Variants in ARMC9 observed in about 807,000 individuals in gnomAD.
ARMC9 encodes the protein lisH domain-containing protein ARMC9.
In ARMC9, 94 loss-of-function variants were observed where a neutral mutation model predicts 107.0. The observed-to-expected ratio is 0.88, with a 90% CI of 0.74 to 1.04. The LOEUF (loss-of-function observed/expected upper bound fraction) is 1.04. ARMC9 is among the 50% of genes least tolerant of loss of function. ARMC9 has a pLI of 0.00. For missense variants in ARMC9, 942 were observed against 1,030.1 expected, an observed-to-expected ratio of 0.91 and a Z score of 1.17; for synonymous variants, 380 against 396.9, an observed-to-expected ratio of 0.96 and a Z score of 0.51.
Position 231,337,626 on chromosome 2 carries a change from C to T in ARMC9, c.1878+5729C>T, listed in dbSNP as rs777689424. ...CTGGGACTACAGGCGCCCGCCACTACGCCCGGCTAGTTTTTGTATTTTTAG... is the reference window on the plus strand; with the variant it reads ...CTGGGACTACAGGCGCCCGCCACTATGCCCGGCTAGTTTTTGTATTTTTAG... On this transcript the variant is annotated intron_variant, in intron 20 of 24. Transcript: ENST00000611582. Among the ~76,000 whole-genome samples the T allele has an allele frequency of 1.4e-4, 21 of 150,652 alleles. 1 individual carries two copies. The highest frequency in any genetic ancestry group is 2.7e-4 in the Non-Finnish European group (18 of 67,708).
At chr2:231,277,727 G>A (rs773302653) in intron 15 of ARMC9, among the ~76,000 whole-genome samples, 7 of 151,782 alleles carry the variant, frequency 4.6e-5, no homozygotes, top group Non-Finnish European at 5.9e-5. Context: ...CACACCTGGC[G>A]AATTTTTGTA....
chr2:231,348,351 T>C (rs2044894944), intron 21 of ARMC9, among the ~76,000 whole-genome samples: 1 of 152,214 alleles, frequency 6.6e-6, no homozygotes, highest in Non-Finnish European at 1.5e-5. Flanking sequence ...AAATAAATTC[T>C]CTCCTGGAGC....
chr2:231,326,314 A>T (rs2043313254), intron 19 of ARMC9, among the ~76,000 whole-genome samples: 1 of 152,214 alleles, frequency 6.6e-6, no homozygotes, highest in Non-Finnish European at 1.5e-5. Flanking sequence ...GAAAGTTAAG[A>T]TGTAAAGTGC....
intron 20 of ARMC9, 128 bp from the exon 21 acceptor site, chr2:231,344,847 T>G: frequency 1.0e-6 from 1 of 973,576 alleles, no homozygotes; most frequent in Non-Finnish European, 1.6e-6. Flanking sequence ...TGTGACATGA[T>G]CCTTCCTCAT....
At chr2:231,216,573 T>C in intron 4 of ARMC9, 65 bp from the exon 5 acceptor site, 1 of 1,531,826 alleles carries the variant, frequency 6.5e-7, no homozygotes, top group Non-Finnish European at 8.9e-7. Flanking sequence ...AGAGAGAGGA[T>C]GGGGTGAGCA....
chr2:231,266,138 G>A (rs1456494977), intron 12 of ARMC9, among the ~76,000 whole-genome samples: 1 of 152,172 alleles, frequency 6.6e-6, no homozygotes, highest in Admixed American at 6.5e-5. Context: ...ACAGGAAATT[G>A]AATTCGTTGG....
rs2045052231 is a variant in ARMC9 at position 231,351,015 on chromosome 2, G to A, written c.1995-4783G>A. ...GCTCTGTCAGCCAGGCTGGAGTGCA[G>A]TGGCACGATCTCGGCTCACTGCAAG... is the stretch of plus-strand genomic sequence containing the variant. On this transcript the variant is annotated intron_variant, in intron 21 of 24. Coordinates refer to ENST00000611582, the MANE Select transcript of ARMC9 (RefSeq NM_001352754.2). 3.4e-5 allele frequency among the ~76,000 whole-genome samples: 4 copies of A among 117,422 alleles called. No homozygotes were observed. In the Admixed American group the frequency reaches 4.2e-4, roughly 12 times the overall value. The allele number at this position is 117,422 out of a possible 152,430, so 77.0% of individuals were successfully genotyped here.
Position 231,217,016 on chromosome 2 carries a change from A to G in ARMC9, c.504+223A>G, listed in dbSNP as rs184103152. On this transcript the variant is annotated intron_variant, in intron 5 of 24. Transcript: ENST00000611582. ...ACTAGCAGTGGTTTGCAACTTCTACATACATTAAATCTGGAAGAGTTATAG... is the reference window on the plus strand; with the variant it reads ...ACTAGCAGTGGTTTGCAACTTCTACGTACATTAAATCTGGAAGAGTTATAG... Among the ~76,000 whole-genome samples, 7 of 152,362 alleles carry G rather than the reference A, an allele frequency of 4.6e-5. No individual in the cohort carries two copies. In the East Asian group the frequency reaches 1.2e-3, roughly 25 times the overall value.
intron 21 of ARMC9, among the ~76,000 whole-genome samples, chr2:231,346,443 C>T (rs1481464460): frequency 6.6e-6 from 1 of 152,162 alleles, no homozygotes; most frequent in Admixed American, 6.5e-5. Flanking sequence ...ATGCCGTGAA[C>T]CCAGGAGGCG....
At chr2:231,269,035 A>G (rs1168810403) in intron 12 of ARMC9, among the ~76,000 whole-genome samples, 1 of 152,192 alleles carries the variant, frequency 6.6e-6, no homozygotes, top group African/African-American at 2.4e-5. Context: ...ACTGCACTTC[A>G]TCCTGGGCAA....
chr2:231,288,605 A>G, intron 17 of ARMC9: 2 of 471,198 alleles, frequency 4.2e-6, no homozygotes, highest in Non-Finnish European at 8.8e-6. Flanking sequence ...TGTAGTGTTC[A>G]GTGCGTGTTG....
intron 23 of ARMC9, among the ~76,000 whole-genome samples, chr2:231,367,511 C>T (rs768252842): frequency 1.3e-5 from 2 of 152,204 alleles, no homozygotes; most frequent in African/African-American, 2.4e-5. Flanking sequence ...CAAGACCATG[C>T]GATGGTCCTA....
intron 11 of ARMC9, among the ~76,000 whole-genome samples, chr2:231,261,210 C>T (rs1379411618): frequency 6.6e-6 from 1 of 152,202 alleles, no homozygotes; most frequent in Non-Finnish European, 1.5e-5. Context: ...GATATTTGCT[C>T]ACTCTGTTAC....
intron 16 of ARMC9, among the ~76,000 whole-genome samples, chr2:231,278,751 C>A (rs1014538302): frequency 7.9e-5 from 12 of 152,206 alleles, no homozygotes; most frequent in African/African-American, 1.9e-4. Flanking sequence ...ATTCCTCCCC[C>A]ACATGCCATT....
chr2:231,217,494 C>G (rs776785043), intron 5 of ARMC9, among the ~76,000 whole-genome samples: 1 of 151,136 alleles, frequency 6.6e-6, no homozygotes, highest in Non-Finnish European at 1.5e-5. Context: ...TGCTCAAACC[C>G]GGGAGGTGAA....
At chr2:231,271,420 A>G (rs148048527) in intron 13 of ARMC9, among the ~76,000 whole-genome samples, 5 of 152,244 alleles carry the variant, frequency 3.3e-5, no homozygotes, top group African/African-American at 1.2e-4. Context: ...AAGTGAAACA[A>G]TTACGGCAAA....
chr2:231,239,720 C>G (rs1181296021), intron 8 of ARMC9, among the ~76,000 whole-genome samples: 1 of 152,222 alleles, frequency 6.6e-6, no homozygotes, highest in Non-Finnish European at 1.5e-5. Flanking sequence ...GTCTCATGAG[C>G]ACACCTGCAG....
chr2:231,368,291 C>T (rs542316253), intron 23 of ARMC9, among the ~76,000 whole-genome samples: 79 of 152,278 alleles, frequency 5.2e-4, no homozygotes, highest in Non-Finnish European at 1.0e-3. Context: ...CAGATAGCCC[C>T]GCGTATCTGT....
At chr2:231,305,861 A>C (rs1472325665) in intron 19 of ARMC9, among the ~76,000 whole-genome samples, 1 of 152,202 alleles carries the variant, frequency 6.6e-6, no homozygotes, top group South Asian at 2.1e-4. Flanking sequence ...TCAATTTCTC[A>C]CTTTTAAAGA....
Sources: allele counts gnomAD v4.1 joint callset (sites outside exome capture counted in the v4.1 genomes callset), GRCh38; gene constraint gnomAD v4.1.1; transcripts MANE v1.5; gene names NCBI Gene and HGNC (gene_info 2026-07-23, HGNC 2026-07-21).